PLXND1: variants seen among roughly 807,000 people sequenced by gnomAD.
The protein encoded by PLXND1 is plexin-D1.
PLXND1 carries 54 observed loss-of-function variants against 197.7 expected under a neutral mutation model. The ratio of observed to expected loss-of-function variants is 0.27; its 90% CI spans 0.22 to 0.34. The LOEUF is 0.34. PLXND1 is among the 10% of genes least tolerant of loss of function. The pLI, the probability that PLXND1 is intolerant of heterozygous loss-of-function variation, is 1.00. For synonymous variants in PLXND1, 1,180 were observed against 1,161.2 expected (o/e 1.02, Z -0.33); for missense variants, 2,127 against 2,699.2 (o/e 0.79, Z 4.70).
At chr3:129,591,426 T>G (rs1347571453) in intron 1 of PLXND1, 1 of 152,196 alleles carries the variant, frequency 6.6e-6, no homozygotes, top group Non-Finnish European at 1.5e-5. Flanking sequence ...AGTCCAGGAG[T>G]TCTAGGCTGT....
intron 2 of PLXND1, 24 bp downstream of exon 2, chr3:129,589,327 C>T: frequency 2.4e-6 from 3 of 1,252,238 alleles, no homozygotes; most frequent in Non-Finnish European, 3.4e-6. Flanking sequence ...CCCACCCCCT[C>T]CCCACATCCC....
At chr3:129,582,208 C>T (rs1327232389) in intron 8 of PLXND1, among the ~76,000 whole-genome samples, 2 of 152,270 alleles carry the variant, frequency 1.3e-5, no homozygotes, top group African/African-American at 2.4e-5. Context: ...CTGCGCACTG[C>T]GAGCGAGCAG....
intron 1 of PLXND1, among the ~76,000 whole-genome samples, chr3:129,594,460 G>C (rs991312789): frequency 6.6e-6 from 1 of 152,056 alleles, no homozygotes; most frequent in African/African-American, 2.4e-5. Context: ...CTCCAGTCTG[G>C]GTGACAGAGA....
chr3:129,606,461 T>C lies in PLXND1; in HGVS notation c.179A>G (p.Asn60Ser). Reference protein sequence around the residue: ...QRRFPSPTPTNNFALDGAAGT... With the variant: ...QRRFPSPTPTSNFALDGAAGT... ...CGCCGCGCCGTCCAGGGCGAAGTTG[T>C]TGGTGGGCGTGGGCGAGGGGAACCG... is the stretch of plus-strand genomic sequence containing the variant. Residue 60 changes from asparagine to serine, a missense_variant, in exon 1 of 36, where the codon AAC (asparagine) becomes AGC (serine). Asn to Ser is a conservative substitution (Grantham distance 46). Coordinates refer to ENST00000324093, the MANE Select transcript of PLXND1 (RefSeq NM_015103.3). 2 of 1,445,022 alleles carry C rather than the reference T, an allele frequency of 1.4e-6. No individual in the cohort carries two copies. The highest frequency in any genetic ancestry group is 1.5e-5 in the South Asian group (1 of 66,902). 89.5% of individuals were successfully genotyped at this position (1,445,022 alleles called of 1,614,324 possible).
At chr3:129,599,220 C>G (rs2085670700) in intron 1 of PLXND1, among the ~76,000 whole-genome samples, 1 of 152,234 alleles carries the variant, frequency 6.6e-6, no homozygotes, top group East Asian at 1.9e-4. Context: ...GACCGGGAGT[C>G]ACAGGCGGGT....
chr3:129,566,474 G>C, intron 23 of PLXND1, 53 bp downstream of exon 23: 1 of 1,063,170 alleles, frequency 9.4e-7, no homozygotes. Flanking sequence ...GACCCAGGGG[G>C]GAGCAGGGTT....
intron 31 of PLXND1, 76 bp downstream of exon 31, chr3:129,560,254 C>G (rs1692184793): frequency 7.4e-6 from 7 of 948,012 alleles, no homozygotes; most frequent in Admixed American, 5.5e-5. Context: ...ACAGCTGGCC[C>G]TGAGCAATGA....
chr3:129,564,311 A>C (rs1219123877), intron 25 of PLXND1, among the ~76,000 whole-genome samples: 2 of 152,260 alleles, frequency 1.3e-5, no homozygotes, highest in African/African-American at 4.8e-5. Context: ...TGAGTAGCCC[A>C]GAGTCACACA....
chr3:129,564,373 C>T (rs1470463675), intron 25 of PLXND1, among the ~76,000 whole-genome samples: 1 of 152,280 alleles, frequency 6.6e-6, no homozygotes, highest in African/African-American at 2.4e-5. Context: ...TGGCTGGGTG[C>T]AGTGGCTCAC....
At chr3:129,585,377 C>G (rs1246097773) in intron 5 of PLXND1, among the ~76,000 whole-genome samples, 1 of 152,198 alleles carries the variant, frequency 6.6e-6, no homozygotes, top group Non-Finnish European at 1.5e-5. Context: ...CACCCCTTGC[C>G]GGGGCCCAGA....
Position 129,558,685 on chromosome 3 carries a change from G to T in PLXND1, c.5298-110C>A. On this transcript the variant is annotated intron_variant, in intron 32 of 35. Transcript: ENST00000324093. This position sits in a 1 kb window ranked among gnomAD's most constrained non-coding sequence, Gnocchi z 4.1. ...TGTCCCTCAAGGGCCTGAGGTTGGAGCCTTGTCACAAGATGTGACCTTTGG... is the reference window on the plus strand; with the variant it reads ...TGTCCCTCAAGGGCCTGAGGTTGGATCCTTGTCACAAGATGTGACCTTTGG... 2 of 1,093,310 alleles carry T rather than the reference G, an allele frequency of 1.8e-6. No homozygotes were observed. Among genetic ancestry groups the T allele is most frequent in the Non-Finnish European group, 2.7e-6 (2 of 750,602 alleles). The allele number at this position is 1,093,310 out of a possible 1,614,324, so 67.7% of individuals were successfully genotyped here. A position where few individuals can be genotyped will look rare whatever the true frequency, so the allele number is the denominator to read the frequency against.
intron 1 of PLXND1, among the ~76,000 whole-genome samples, chr3:129,590,135 C>T (rs1188968581): frequency 6.6e-6 from 1 of 152,214 alleles, no homozygotes; most frequent in Non-Finnish European, 1.5e-5. Flanking sequence ...GCCTTTCTTT[C>T]CCTCCCCAAG....
intron 1 of PLXND1, among the ~76,000 whole-genome samples, chr3:129,596,732 C>T (rs2085630168): frequency 6.6e-6 from 1 of 152,226 alleles, no homozygotes; most frequent in Non-Finnish European, 1.5e-5. Context: ...ACACCCTCCT[C>T]CCCAGCCCCT....
In PLXND1 at chr3:129,571,945, G is replaced by A. The variant is rs1486439125; in HGVS notation, c.3078-101C>T. The A allele has an allele frequency of 3.6e-6, 4 of 1,106,572 alleles. No homozygotes were observed. In the African/African-American group the frequency reaches 6.2e-5, roughly 17 times the overall value. 68.5% of individuals were successfully genotyped at this position (1,106,572 alleles called of 1,614,324 possible). A position where few individuals can be genotyped will look rare whatever the true frequency, so the allele number is the denominator to read the frequency against. The stretch of plus-strand genomic sequence containing the variant: ...GCACAAGTCCACGCACTTGGCCTGG[G>A]GTTCAAGGCCTCCTTGACTGGTCCC... On this transcript the variant is annotated intron_variant, in intron 15 of 35. Coordinates refer to ENST00000324093, the MANE Select transcript of PLXND1 (RefSeq NM_015103.3).
chr3:129,582,129 C>T (rs969851269), intron 8 of PLXND1, among the ~76,000 whole-genome samples: 7 of 152,258 alleles, frequency 4.6e-5, no homozygotes, highest in East Asian at 1.9e-4. Flanking sequence ...AGCCCCTCTT[C>T]GAATAGAATT....
chr3:129,569,707 C>A (rs570223742), intron 20 of PLXND1, 136 bp downstream of exon 20: 27 of 642,356 alleles, frequency 4.2e-5, no homozygotes, highest in South Asian at 2.5e-4. Flanking sequence ...GGGTGCCTAA[C>A]CTGTTCCCAT....
At chr3:129,588,943 C>T (rs940824544) in intron 2 of PLXND1, among the ~76,000 whole-genome samples, 6 of 152,310 alleles carry the variant, frequency 3.9e-5, no homozygotes, top group Admixed American at 2.6e-4. Context: ...CAGGCCATGG[C>T]CTTACCCTGC....
At position 129,606,248 on chromosome 3, in the gene PLXND1, TC is replaced by T; in HGVS notation, c.391del (p.Asp131ThrfsTer7). 6.4e-7 allele frequency: 1 copy of T among 1,572,214 alleles called. No homozygotes were observed. The highest frequency in any genetic ancestry group is 8.6e-7 in the Non-Finnish European group (1 of 1,164,658). On this transcript the variant is annotated frameshift_variant, in exon 1 of 36. Transcript: ENST00000324093. LOFTEE classifies it high-confidence loss of function. ...CACGACTACCAGGCCCTGGCCGGGG[TC>T]CAGCTGCAGGATCTTGTTGTAGTTG... The part of the protein sequence containing the change: ...TDNYNKILQL[D>X]PGQGLVVVCG...
chr3:129,568,783 A>G (rs2085179131), intron 20 of PLXND1, among the ~76,000 whole-genome samples: 1 of 152,204 alleles, frequency 6.6e-6, no homozygotes, highest in African/African-American at 2.4e-5. Context: ...TCCTGGGCTC[A>G]AGTGAGCCAC....
Sources: allele counts gnomAD v4.1 joint callset (sites outside exome capture counted in the v4.1 genomes callset), GRCh38; gene constraint gnomAD v4.1.1; non-coding constraint Gnocchi (gnomAD v3.1); transcripts MANE v1.5; gene names NCBI Gene and HGNC (gene_info 2026-07-23, HGNC 2026-07-21).